EIF3A: variants seen among roughly 807,000 people sequenced by gnomAD.
EIF3A encodes EIF3, p180 subunit.
Under a neutral mutation model 186.6 loss-of-function variants are expected in EIF3A, and 21 were observed. The observed-to-expected ratio is 0.11, with a 90% confidence interval of 0.08 to 0.16. The LOEUF (loss-of-function observed/expected upper bound fraction) is 0.16. Among genes scored for constraint, EIF3A ranks in the 10% least tolerant of loss-of-function variants. The pLI is 1.00. For missense variants in EIF3A, 1,306 were observed against 1,796.3 expected (o/e 0.73, Z 4.93); for synonymous variants, 563 against 584.3 (o/e 0.96, Z 0.52).
At position 119,035,987 on chromosome 10, in the gene EIF3A, G is replaced by A; in HGVS notation, c.*52C>T. On this transcript the variant is annotated 3_prime_UTR_variant, in exon 22 of 22. Transcript: ENST00000369144. ...TTGAAGCACAAGTATAATAATCCTT[G>A]AATGTGATCAAACCTATTTAAGACA... The A allele has an allele frequency of 7.4e-7, 1 of 1,349,680 alleles. No individual in the cohort carries two copies. Among genetic ancestry groups the A allele is most frequent in the Non-Finnish European group, 1.1e-6 (1 of 941,004 alleles). 83.6% of individuals were successfully genotyped at this position (1,349,680 alleles called of 1,614,324 possible). A position where few individuals can be genotyped will look rare whatever the true frequency, so the allele number is the denominator to read the frequency against.
In EIF3A at chr10:119,042,064, A is replaced by G; in HGVS notation, c.3456T>C (p.Ala1152=). 2 of 1,614,174 alleles carry G rather than the reference A, an allele frequency of 1.2e-6. No homozygotes were observed. The highest frequency in any genetic ancestry group is 1.7e-6 in the Non-Finnish European group (2 of 1,180,006). The change falls in exon 19 of 22, where the codon GCT becomes GCC. Residue 1152 remains alanine (A), a synonymous_variant. Transcript: ENST00000369144. The surrounding 1 kb of genome is among the most constrained non-coding windows in gnomAD (Gnocchi z 7.8). ...NMDDDRLSRR[A]DDDRFPRRGD... ...CCCGTCTGGGAAACCGATCATCATC[A>G]GCACGTCTTGAAAGGCGATCATCAT...
rs1848232643 is a variant in EIF3A, at chr10:119,042,900, C to G, written c.2748-128G>C. On this transcript the variant is annotated intron_variant, in intron 18 of 21. Transcript: ENST00000369144. The surrounding 1 kb of genome is among the most constrained non-coding windows in gnomAD (Gnocchi z 7.8). ...CGGAGCAGTGGCTCGCACCTTTAAT[C>G]CCAGCACTCTGGGAAGCAGAGGCAG... The G allele has an allele frequency of 4.1e-6, 4 of 977,554 alleles. No individual in the cohort carries two copies. In the East Asian group the frequency reaches 1.1e-4, roughly 26 times the overall value. 60.6% of individuals were successfully genotyped at this position (977,554 alleles called of 1,614,324 possible).
chr10:119,077,539 G>T (rs1436412880), intron 1 of EIF3A, among the ~76,000 whole-genome samples: 1 of 151,138 alleles, frequency 6.6e-6, no homozygotes, highest in Non-Finnish European at 1.5e-5. Context: ...TTATATACAA[G>T]AATTTAGTTC....
intron 1 of EIF3A, 129 bp downstream of exon 1, chr10:119,080,499 G>A: frequency 7.1e-7 from 1 of 1,399,530 alleles, no homozygotes; most frequent in Non-Finnish European, 9.2e-7. Context: ...TGGGACAGCG[G>A]CGGGCAGGCC....
At chr10:119,062,799 G>C (rs1281305554) in intron 7 of EIF3A, among the ~76,000 whole-genome samples, 1 of 131,448 alleles carries the variant, frequency 7.6e-6, no homozygotes, top group East Asian at 2.3e-4. Flanking sequence ...CCAGGCTAGA[G>C]TGCAGTGGCA....
At chr10:119,050,759 G>T in intron 15 of EIF3A, 85 bp from the exon 16 acceptor site, 1 of 1,437,992 alleles carries the variant, frequency 7.0e-7, no homozygotes, top group Non-Finnish European at 9.7e-7. Flanking sequence ...GTTTACAAAA[G>T]ACTCTCAAGT....
At chr10:119,078,021 A>G (rs1327117858) in intron 1 of EIF3A, among the ~76,000 whole-genome samples, 1 of 152,228 alleles carries the variant, frequency 6.6e-6, no homozygotes, top group Non-Finnish European at 1.5e-5. Context: ...GAGCATTTGG[A>G]GCATACCTTT....
At position 119,033,948 on chromosome 10, in the gene EIF3A, A is replaced by G. The variant is rs118174828; in HGVS notation, c.*2091T>C. On this transcript the variant is annotated 3_prime_UTR_variant, in exon 22 of 22. Coordinates refer to ENST00000369144, the MANE Select transcript of EIF3A (RefSeq NM_003750.4). ...TTATAGATGCCAGCCACCTCCTGGT[A>G]GTCACTATGGACAACTAATGAGATG... The G allele has an allele frequency of 2.5e-3, 417 of 167,010 alleles. 1 individual carries two copies. Among genetic ancestry groups the G allele is most frequent in the Non-Finnish European group, 4.3e-3 (295 of 68,100 alleles). The allele number at this position is 167,010 out of a possible 1,614,324, so 10.3% of individuals were successfully genotyped here. A position where few individuals can be genotyped will look rare whatever the true frequency, so the allele number is the denominator to read the frequency against.
chr10:119,068,971 CAAAAAAAAAAAA>C (rs59413780), intron 6 of EIF3A, among the ~76,000 whole-genome samples: 3 of 99,024 alleles, frequency 3.0e-5, no homozygotes, highest in African/African-American at 1.1e-4. Flanking sequence ...CTCTGTCTTG[CAAAAAAAAAAAA>C]AAAAAAAGAA....
chr10:119,074,687 A>G (rs1303647365), intron 1 of EIF3A, among the ~76,000 whole-genome samples: 2 of 151,454 alleles, frequency 1.3e-5, no homozygotes, highest in African/African-American at 4.8e-5. Context: ...TAATCCCAAC[A>G]CTTTGGGAGG....
chr10:119,040,156 TACA>T (rs1848188608), intron 19 of EIF3A, among the ~76,000 whole-genome samples: 2 of 152,186 alleles, frequency 1.3e-5, no homozygotes, highest in Admixed American at 6.5e-5. Flanking sequence ...GATCTGCACT[TACA>T]ACAACTGCTC....
At chr10:119,037,059 A>AT (rs1189640494) in intron 21 of EIF3A, 60 bp downstream of exon 21, 5 of 664,298 alleles carry the variant, frequency 7.5e-6, no homozygotes, top group Non-Finnish European at 1.1e-5. Flanking sequence ...AATAACCCAA[A>AT]TCCCCCCCCC....
At chr10:119,074,054 A>G in intron 1 of EIF3A, 117 bp from the exon 2 acceptor site, 1 of 876,290 alleles carries the variant, frequency 1.1e-6, no homozygotes, top group Non-Finnish European at 1.6e-6. Flanking sequence ...ACCAAGTTAC[A>G]TTTATTTTTG....
Position 119,049,954 on chromosome 10 carries a change from T to C in EIF3A, c.2505A>G (p.Ala835=). 1 of 1,614,184 alleles carries C rather than the reference T, an allele frequency of 6.2e-7. No homozygotes were observed. The highest frequency in any genetic ancestry group is 8.5e-7 in the Non-Finnish European group (1 of 1,180,036). ...ACTCTCGTAGCTCTTCCTCGCGTTT[T>C]GCTCGTTCGGCGCGCTCTCTCTCTT... ...EREERERAER[A]KREEELREYQ... Residue 835 remains alanine, a synonymous_variant, in exon 17 of 22, where the codon GCA becomes GCG. Transcript: ENST00000369144.
In EIF3A at chr10:119,059,786, A is replaced by G. The variant is rs1257916704; in HGVS notation, c.1327-68T>C. 4.0e-6 allele frequency: 4 copies of G among 987,860 alleles called. No homozygotes were observed. In the African/African-American group the frequency reaches 4.8e-5, roughly 12 times the overall value. The allele number at this position is 987,860 out of a possible 1,614,324, so 61.2% of individuals were successfully genotyped here. ...TTCAGCACTTTTTATGTGCAATCTC[A>G]TGACAGTCATGGGAAGTAGAAATTA... On this transcript the variant is annotated intron_variant, in intron 9 of 21. Transcript: ENST00000369144.
At chr10:119,037,722 T>A (rs1209817486) in intron 20 of EIF3A, among the ~76,000 whole-genome samples, 1 of 152,056 alleles carries the variant, frequency 6.6e-6, no homozygotes, top group Non-Finnish European at 1.5e-5. Flanking sequence ...AAGCTAGAAC[T>A]TCTACTACTA....
chr10:119,061,438 C>T, intron 7 of EIF3A, 110 bp from the exon 8 acceptor site: 1 of 513,124 alleles, frequency 1.9e-6, no homozygotes. Flanking sequence ...TTTAAAAAAT[C>T]ATCAAGCCTC....
rs375737679 is a variant in EIF3A, at chr10:119,037,248, G to C, written c.3790C>G (p.Arg1264Gly). 60 of 1,613,890 alleles carry C rather than the reference G, an allele frequency of 3.7e-5. No homozygotes were observed. The highest frequency in any genetic ancestry group is 4.9e-5 in the Non-Finnish European group (58 of 1,180,012). Residue 1264 changes from arginine to glycine, a missense_variant, in exon 21 of 22, where the codon CGC becomes GGC. Around this residue, in one of 8 missense-constraint regions of EIF3A, gnomAD observed 331 missense variants for 365.8 expected, o/e 0.90. Transcript: ENST00000369144. The part of the protein sequence containing the change: ...EESSSWRDSS[R>G]RDDRDRDDRR... Reference sequence around the variant, plus strand: ...TCATCCCTATCCCTATCGTCCCGGCGACTTGAGTCTCTCCAGCTTGAAGAT... The same window carrying C: ...TCATCCCTATCCCTATCGTCCCGGCCACTTGAGTCTCTCCAGCTTGAAGAT...
At chr10:119,040,732 C>G (rs530970994) in intron 19 of EIF3A, among the ~76,000 whole-genome samples, 1 of 151,720 alleles carries the variant, frequency 6.6e-6, no homozygotes, top group Admixed American at 6.6e-5. Flanking sequence ...AATGGCCGGG[C>G]GTGGTGGCTC....
Sources: gnomAD v4.1 joint callset for allele counts (sites outside exome capture counted in the v4.1 genomes callset) on GRCh38, gnomAD v4.1.1 for gene constraint, gnomAD v4.1.1 regional missense constraint, Gnocchi (gnomAD v3.1) non-coding constraint, MANE v1.5 for transcripts, NCBI Gene and HGNC (gene_info 2026-07-23, HGNC 2026-07-21) for gene names.